The following GALNT13 variants were observed in gnomAD, a reference collection of about 807,000 sequenced individuals.
GALNT13 encodes UDP-GalNAc:polypeptide N-acetylgalactosaminyltransferase 13.
GALNT13 carries 28 observed loss-of-function variants against 64.2 expected under a neutral mutation model. That is an observed-to-expected ratio of 0.44 (90% CI 0.32 to 0.60). The LOEUF (loss-of-function observed/expected upper bound fraction) is 0.60. GALNT13 is among the 20% of genes least tolerant of loss of function. The pLI is 0.05. For missense variants in GALNT13, 577 were observed against 669.8 expected, an observed-to-expected ratio of 0.86 and a Z score of 1.53; for synonymous variants, 214 against 224.6, an observed-to-expected ratio of 0.95 and a Z score of 0.42.
At chr2:154,339,238 T>G (rs1187289594) in intron 9 of GALNT13, among the ~76,000 whole-genome samples, 3 of 152,114 alleles carry the variant, frequency 2.0e-5, no homozygotes, top group Admixed American at 1.3e-4. Context: ...TAATATGCAG[T>G]TGGTATATCT....
chr2:153,488,381 T>A, the GALNT13 span, among the ~76,000 whole-genome samples: 1 of 152,338 alleles, frequency 6.6e-6, no homozygotes, highest in East Asian at 1.9e-4. Context: ...TTTTAGACAC[T>A]GTTTTTTTCC....
chr2:153,574,618 T>C, the GALNT13 span, among the ~76,000 whole-genome samples: 2 of 152,158 alleles, frequency 1.3e-5, no homozygotes, highest in African/African-American at 4.8e-5. Context: ...TTCTGCCTTA[T>C]TGATGTTGCC....
intron 3 of GALNT13, among the ~76,000 whole-genome samples, chr2:153,991,348 T>C (rs1353840074): frequency 6.6e-6 from 1 of 152,044 alleles, no homozygotes; most frequent in Non-Finnish European, 1.5e-5. Context: ...AATAGACAGC[T>C]GGAGTGAGGG....
At chr2:153,611,214 C>T in the GALNT13 span, among the ~76,000 whole-genome samples, 1 of 152,206 alleles carries the variant, frequency 6.6e-6, no homozygotes, top group East Asian at 1.9e-4. Flanking sequence ...AATAAAAGTA[C>T]TAGACTAGCC....
chr2:153,730,501 A>G, the GALNT13 span, among the ~76,000 whole-genome samples: 1 of 151,804 alleles, frequency 6.6e-6, no homozygotes, highest in South Asian at 2.1e-4. Context: ...AGGAAATCAC[A>G]GGGATAATTT....
the GALNT13 span, among the ~76,000 whole-genome samples, chr2:153,082,610 TATATATATAC>T: frequency 5.1e-4 from 22 of 43,384 alleles, no homozygotes; most frequent in Admixed American, 8.7e-4. Context: ...TATATATATA[TATATATATAC>T]ACACACACAC....
the GALNT13 span, among the ~76,000 whole-genome samples, chr2:153,860,154 G>C: frequency 0.87 from 132,305 of 152,266 alleles, 58,460 homozygotes; most frequent in Non-Finnish European, 0.94. Context: ...TTTGTACTTT[G>C]TTCTGAAACT....
chr2:153,993,066 A>G (rs1341225043), intron 3 of GALNT13, among the ~76,000 whole-genome samples: 1 of 152,180 alleles, frequency 6.6e-6, no homozygotes, highest in East Asian at 1.9e-4. Context: ...GCTGTTCTTT[A>G]TGAAGGAATA....
At chr2:154,031,364 A>G (rs542714922) in intron 3 of GALNT13, among the ~76,000 whole-genome samples, 2 of 152,184 alleles carry the variant, frequency 1.3e-5, no homozygotes, top group East Asian at 3.9e-4. Flanking sequence ...CATATGGAAC[A>G]AGTAGAGAAC....
chr2:154,424,928 A>C (rs771555906), intron 11 of GALNT13, among the ~76,000 whole-genome samples: 12 of 152,214 alleles, frequency 7.9e-5, no homozygotes, highest in Non-Finnish European at 1.2e-4. Flanking sequence ...ATAAGTAAAT[A>C]AGATTTCTTT....
intron 3 of GALNT13, among the ~76,000 whole-genome samples, chr2:154,054,387 T>C (rs1699796846): frequency 6.6e-6 from 1 of 152,082 alleles, no homozygotes; most frequent in South Asian, 2.1e-4. Flanking sequence ...TTTCCTCTGC[T>C]ATTATTCAGA....
the GALNT13 span, among the ~76,000 whole-genome samples, chr2:153,613,679 G>C: frequency 1.3e-5 from 2 of 152,124 alleles, no homozygotes; most frequent in Non-Finnish European, 1.5e-5. Flanking sequence ...CTGTGTCCAA[G>C]TGTTCTCATT....
chr2:154,143,524 T>C (rs1203036179), intron 4 of GALNT13, among the ~76,000 whole-genome samples: 2 of 149,452 alleles, frequency 1.3e-5, no homozygotes, highest in African/African-American at 5.0e-5. Flanking sequence ...ACTGAGCTAA[T>C]GTTTAAAATA....
intron 12 of GALNT13, among the ~76,000 whole-genome samples, chr2:154,444,328 A>G (rs908956620): frequency 2.0e-5 from 3 of 152,168 alleles, no homozygotes; most frequent in Non-Finnish European, 4.4e-5. Context: ...AAGGACTTGA[A>G]TAAACAGCAT....
chr2:153,331,351 C>T, the GALNT13 span, among the ~76,000 whole-genome samples: 1 of 151,624 alleles, frequency 6.6e-6, no homozygotes, highest in Non-Finnish European at 1.5e-5. Context: ...GTAGAATTCA[C>T]CTGTGAGTTC....
At chr2:153,126,304 A>G in the GALNT13 span, among the ~76,000 whole-genome samples, 68 of 9,270 alleles carry the variant, frequency 7.3e-3, 1 homozygote, top group African/African-American at 0.023. Flanking sequence ...TTGTATATAT[A>G]TATATATATA....
At chr2:154,375,706 A>G (rs1697951673) in intron 9 of GALNT13, among the ~76,000 whole-genome samples, 1 of 152,060 alleles carries the variant, frequency 6.6e-6, no homozygotes, top group South Asian at 2.1e-4. Flanking sequence ...TTTTCAAACC[A>G]CTTACAAATC....
the GALNT13 span, among the ~76,000 whole-genome samples, chr2:153,610,282 T>C: frequency 1.3e-5 from 2 of 152,058 alleles, no homozygotes; most frequent in African/African-American, 4.8e-5. Context: ...GCTTCATTTA[T>C]TGAAAAAAGA....
chr2:153,119,435 A>C, the GALNT13 span, among the ~76,000 whole-genome samples: 1 of 152,198 alleles, frequency 6.6e-6, no homozygotes, highest in African/African-American at 2.4e-5. Context: ...CTGGAGATTT[A>C]TTTATTGAAA....
Sources: allele counts gnomAD v4.1 joint callset (sites outside exome capture counted in the v4.1 genomes callset), GRCh38; gene constraint gnomAD v4.1.1; transcripts MANE v1.5; gene names NCBI Gene and HGNC (gene_info 2026-07-23, HGNC 2026-07-21).